The following ARAP2 variants were observed in gnomAD, a reference collection of about 807,000 sequenced individuals.
ARAP2 encodes ArfGAP with RhoGAP domain, ankyrin repeat and PH domain 2.
Under a neutral mutation model 194.5 loss-of-function variants are expected in ARAP2, and 148 were observed. The ratio of observed to expected loss-of-function variants is 0.76; its 90% CI spans 0.67 to 0.87. ARAP2 has a LOEUF of 0.87. Among genes scored for constraint, ARAP2 ranks in the 40% least tolerant of loss-of-function variants. ARAP2 has a pLI of 0.00. For missense variants in ARAP2, 2,128 were observed against 1,989.7 expected (o/e 1.07, Z -1.32); for synonymous variants, 695 against 683.5 (o/e 1.02, Z -0.26).
intron 5 of ARAP2, among the ~76,000 whole-genome samples, chr4:36,044,887 A>T (rs1174952416): frequency 1.3e-5 from 2 of 152,108 alleles, no homozygotes; most frequent in Non-Finnish European, 2.9e-5. Context: ...ATGACCAAAG[A>T]ACCTGAATAG....
chr4:36,027,174 G>T (rs905671174), intron 5 of ARAP2, among the ~76,000 whole-genome samples: 1 of 152,086 alleles, frequency 6.6e-6, no homozygotes, highest in Admixed American at 6.6e-5. Flanking sequence ...TGTACTTGAC[G>T]TATGTAAACT....
At chr4:36,048,715 G>A (rs1722202786) in intron 3 of ARAP2, among the ~76,000 whole-genome samples, 1 of 151,970 alleles carries the variant, frequency 6.6e-6, no homozygotes. Context: ...ATTTCTCTGG[G>A]TATATAGCCA....
intron 27 of ARAP2, among the ~76,000 whole-genome samples, chr4:36,097,572 T>C (rs1715643559): frequency 6.6e-6 from 1 of 152,142 alleles, no homozygotes; most frequent in Non-Finnish European, 1.5e-5. Flanking sequence ...TCATACTTTT[T>C]ACTCCCTTGA....
rs752527901 is a variant in ARAP2, at chr4:36,133,358, C to A, written c.3295G>T (p.Asp1099Tyr). The change falls in exon 20 of 33, where the codon GAT (aspartate) becomes TAT (tyrosine). Residue 1099 changes from aspartate to tyrosine, a missense_variant. Coordinates refer to ENST00000303965, the MANE Select transcript of ARAP2 (RefSeq NM_015230.4). ...ATTGCAGTATGCCAGACTGTGAAAT[C>A]CAACTTGGTATGCCCATGGATGTAT... The part of the protein sequence containing the change: ...TLYIHGHTKL[D>Y]FTVWHTAIEK... 3.1e-6 allele frequency: 5 copies of A among 1,610,934 alleles called. No individual in the cohort carries two copies. Among genetic ancestry groups the A allele is most frequent in the Non-Finnish European group, 4.2e-6 (5 of 1,178,026 alleles).
At chr4:36,226,723 G>A (rs575870934) in intron 2 of ARAP2, among the ~76,000 whole-genome samples, 9 of 152,156 alleles carry the variant, frequency 5.9e-5, no homozygotes, top group Non-Finnish European at 1.2e-4. Flanking sequence ...GGCCCAGCTG[G>A]GACCCTAAGA....
chr4:36,236,720 T>C (rs902795598), intron 1 of ARAP2, among the ~76,000 whole-genome samples: 1 of 152,214 alleles, frequency 6.6e-6, no homozygotes, highest in Non-Finnish European at 1.5e-5. Context: ...CCCAATGGAT[T>C]GGAACTATAT....
chr4:36,010,424 T>G (rs1714262703), intron 9 of ARAP2, among the ~76,000 whole-genome samples: 1 of 152,058 alleles, frequency 6.6e-6, no homozygotes, highest in Non-Finnish European at 1.5e-5. Flanking sequence ...CAACCCCCTA[T>G]GACCAGTAAG....
intron 8 of ARAP2, among the ~76,000 whole-genome samples, chr4:36,014,332 AAGAAAGAAAG>A (rs1560265266): frequency 1.7e-5 from 1 of 58,792 alleles, no homozygotes; most frequent in East Asian, 3.8e-4. Flanking sequence ...GAGAGAAAGA[AAGAAAGAAAG>A]AAAGAAAGAA....
intron 7 of ARAP2, among the ~76,000 whole-genome samples, chr4:36,188,723 C>T (rs1305521298): frequency 2.0e-5 from 3 of 152,116 alleles, no homozygotes; most frequent in African/African-American, 7.2e-5. Context: ...TCCTTGGAAC[C>T]CACACTTTTG....
At chr4:36,017,610 C>T (rs1577546871) in intron 6 of ARAP2, among the ~76,000 whole-genome samples, 1 of 114,758 alleles carries the variant, frequency 8.7e-6, no homozygotes, top group Middle Eastern at 7.4e-3. Flanking sequence ...ATCTTCCAGG[C>T]AGAAGAAACA....
rs975850707 is a variant in ARAP2 at position 36,160,614 on chromosome 4, C to T, written c.2287G>A (p.Ala763Thr). ...ELFIVIGNKR[A>T]NDFWAGNLQK... ...AGATTACCAGCCCAAAAGTCATTTG[C>T]TCTTTTGTTTCCAATGACAATAAAA... Residue 763 changes from alanine to threonine, a missense_variant, in exon 13 of 33, where the codon GCA (alanine) becomes ACA (threonine). Transcript: ENST00000303965. The T allele has an allele frequency of 6.8e-7, 1 of 1,478,954 alleles. No individual in the cohort carries two copies. Among genetic ancestry groups the T allele is most frequent in the South Asian group, 1.5e-5 (1 of 66,272 alleles). 91.6% of individuals were successfully genotyped at this position (1,478,954 alleles called of 1,614,324 possible).
chr4:36,155,960 C>T (rs910615417), intron 15 of ARAP2, among the ~76,000 whole-genome samples: 1 of 152,094 alleles, frequency 6.6e-6, no homozygotes, highest in Admixed American at 6.5e-5. Context: ...CTACCTCAGC[C>T]TCCTGACTAC....
chr4:36,124,622 C>T (rs1723440207), intron 22 of ARAP2, among the ~76,000 whole-genome samples: 1 of 151,874 alleles, frequency 6.6e-6, no homozygotes, highest in Non-Finnish European at 1.5e-5. Context: ...TCTCCAGCTT[C>T]CAAACCAAGT....
chr4:36,120,043 C>G (rs1722321168), intron 23 of ARAP2, among the ~76,000 whole-genome samples: 1 of 151,500 alleles, frequency 6.6e-6, no homozygotes, highest in Admixed American at 6.6e-5. Context: ...ATGTATCAAA[C>G]TGAAATGTTC....
At position 36,148,436 on chromosome 4, in the gene ARAP2, G is replaced by A; in HGVS notation, c.2969C>T (p.Ala990Val). ...VFLFGAETSQ[A>V]QRKWTEAIAK... ...TATTGCCTCTGTCCATTTTCTTTGA[G>A]CTTGAGATGTTTCAGCTCCAAATAA... Residue 990 changes from alanine to valine, a missense_variant, in exon 17 of 33, where the codon GCT becomes GTT. Coordinates refer to ENST00000303965, the MANE Select transcript of ARAP2 (RefSeq NM_015230.4). 6.2e-7 allele frequency: 1 copy of A among 1,613,032 alleles called. No homozygotes were observed. The highest frequency in any genetic ancestry group is 8.5e-7 in the Non-Finnish European group (1 of 1,179,344).
chr4:36,218,555 G>A (rs1748490959), intron 2 of ARAP2, among the ~76,000 whole-genome samples: 1 of 152,046 alleles, frequency 6.6e-6, no homozygotes, highest in African/African-American at 2.4e-5. Context: ...GGAAGCAAAT[G>A]AAAATTTACT....
At chr4:36,128,509 T>G in intron 21 of ARAP2, 24 bp downstream of exon 21, 1 of 917,396 alleles carries the variant, frequency 1.1e-6, no homozygotes, top group South Asian at 1.6e-5. Flanking sequence ...CACACATATC[T>G]ACAAATATCT....
intron 9 of ARAP2, among the ~76,000 whole-genome samples, chr4:36,009,942 T>C (rs938726381): frequency 1.3e-5 from 2 of 151,770 alleles, no homozygotes; most frequent in African/African-American, 4.8e-5. Flanking sequence ...GGTTATTTCA[T>C]ACTAAATTTC....
intron 9 of ARAP2, among the ~76,000 whole-genome samples, chr4:36,007,897 T>C (rs1713623796): frequency 6.6e-6 from 1 of 152,074 alleles, no homozygotes; most frequent in African/African-American, 2.4e-5. Context: ...TATATTCCAA[T>C]AACTTTCAAG....
Sources: allele counts gnomAD v4.1 joint callset (sites outside exome capture counted in the v4.1 genomes callset), GRCh38; gene constraint gnomAD v4.1.1; transcripts MANE v1.5; gene names NCBI Gene and HGNC (gene_info 2026-07-23, HGNC 2026-07-21).